Variants in OSBPL8 observed in about 807,000 individuals in gnomAD.
The protein encoded by OSBPL8 is oxysterol-binding protein-related protein 8.
OSBPL8 carries 59 observed loss-of-function variants against 125.5 expected under a neutral mutation model. That is an observed-to-expected ratio of 0.47 (90% CI 0.38 to 0.58). The LOEUF (loss-of-function observed/expected upper bound fraction) is 0.58. Ranked by LOEUF, OSBPL8 falls within the 20% of genes least tolerant of loss-of-function variation. The probability of loss-of-function intolerance (pLI) is 0.00; values close to 1 mark genes in which losing one functional copy is unlikely to be tolerated. For missense variants in OSBPL8, 758 were observed against 1,047.8 expected, an observed-to-expected ratio of 0.72 and a Z score of 3.82; for synonymous variants, 330 against 338.9, an observed-to-expected ratio of 0.97 and a Z score of 0.29.
At chr12:76,385,054 A>G (rs1424476627) in intron 14 of OSBPL8, among the ~76,000 whole-genome samples, 3 of 152,242 alleles carry the variant, frequency 2.0e-5, no homozygotes, top group Non-Finnish European at 4.4e-5. Context: ...ATGTTATTTA[A>G]TAATCTAATG....
At chr12:76,467,360 T>C (rs1565920748) in intron 2 of OSBPL8, among the ~76,000 whole-genome samples, 1 of 152,324 alleles carries the variant, frequency 6.6e-6, no homozygotes, top group South Asian at 2.1e-4. Context: ...AACTTCCTAG[T>C]TTCTTCTTCA....
At chr12:76,378,918 C>T (rs1346857351) in intron 15 of OSBPL8, among the ~76,000 whole-genome samples, 2 of 151,972 alleles carry the variant, frequency 1.3e-5, no homozygotes, top group African/African-American at 4.8e-5. Flanking sequence ...TACAGGCGTG[C>T]ACCACCATAC....
intron 1 of OSBPL8, among the ~76,000 whole-genome samples, chr12:76,549,680 C>T (rs1455102462): frequency 2.0e-5 from 3 of 152,072 alleles, no homozygotes; most frequent in African/African-American, 4.8e-5. Flanking sequence ...GGATTACAGG[C>T]GTTGATGTAT....
chr12:76,450,855 G>C lies in OSBPL8; in HGVS notation c.213C>G (p.Ser71Arg). ...ATGAAAACCACAACTTCCTACCCTG[G>C]CTATGAGGACTTGCTGGACTAAGAG... ...QPSLSPASPH[S>R]QGFERGKEDI... The change falls in exon 4 of 24, where the codon AGC becomes AGG. Residue 71 changes from serine to arginine, a missense_variant. By Grantham distance (110) the Ser-to-Arg change is moderately radical. Transcript: ENST00000261183. 1 of 1,608,324 alleles carries C rather than the reference G, an allele frequency of 6.2e-7. No individual in the cohort carries two copies. The highest frequency in any genetic ancestry group is 8.5e-7 in the Non-Finnish European group (1 of 1,177,248).
At chr12:76,462,954 C>CTTA (rs771316568) in intron 2 of OSBPL8, among the ~76,000 whole-genome samples, 2 of 152,128 alleles carry the variant, frequency 1.3e-5, no homozygotes, top group Non-Finnish European at 2.9e-5. Flanking sequence ...GAGGGGTAAA[C>CTTA]AGATGTCAGG....
chr12:76,479,119 T>C (rs1877163047), intron 2 of OSBPL8, among the ~76,000 whole-genome samples: 2 of 152,114 alleles, frequency 1.3e-5, no homozygotes, highest in Admixed American at 1.3e-4. Flanking sequence ...CTCCCTTTAA[T>C]AGAAGTTTCA....
intron 21 of OSBPL8, among the ~76,000 whole-genome samples, chr12:76,359,738 G>A (rs562260830): frequency 6.6e-6 from 1 of 152,186 alleles, no homozygotes; most frequent in Non-Finnish European, 1.5e-5. Flanking sequence ...AGATGCAAAA[G>A]TGGAAACCTC....
intron 2 of OSBPL8, among the ~76,000 whole-genome samples, chr12:76,466,344 A>T (rs1383280712): frequency 6.6e-6 from 1 of 152,216 alleles, no homozygotes; most frequent in Non-Finnish European, 1.5e-5. Context: ...TGACATAATT[A>T]TCTATGATTA....
At chr12:76,491,732 C>G (rs1878737156) in intron 1 of OSBPL8, among the ~76,000 whole-genome samples, 1 of 152,060 alleles carries the variant, frequency 6.6e-6, no homozygotes, top group African/African-American at 2.4e-5. Flanking sequence ...CTAATACTGC[C>G]AACTCAATTA....
chr12:76,449,762 A>G (rs1276105352), intron 4 of OSBPL8, among the ~76,000 whole-genome samples: 1 of 152,196 alleles, frequency 6.6e-6, no homozygotes, highest in Non-Finnish European at 1.5e-5. Flanking sequence ...CAGTGAGCAA[A>G]TATTTTCCAA....
intron 1 of OSBPL8, among the ~76,000 whole-genome samples, chr12:76,493,168 A>C (rs1878914348): frequency 6.6e-6 from 1 of 152,154 alleles, no homozygotes; most frequent in Non-Finnish European, 1.5e-5. Context: ...AGGGAATATT[A>C]TATGCTCTAC....
intron 1 of OSBPL8, among the ~76,000 whole-genome samples, chr12:76,524,963 C>T (rs538640085): frequency 2.6e-4 from 40 of 152,206 alleles, no homozygotes; most frequent in African/African-American, 7.7e-4. Context: ...GAATTACAGG[C>T]GTGAGCCACT....
intron 8 of OSBPL8, among the ~76,000 whole-genome samples, chr12:76,395,352 C>G (rs17042268): frequency 0.015 from 2,312 of 152,162 alleles, 18 homozygotes; most frequent in Middle Eastern, 0.027. Flanking sequence ...AGACACGAAT[C>G]TGGAAAGAAA....
At chr12:76,509,227 T>C (rs868643359) in intron 1 of OSBPL8, among the ~76,000 whole-genome samples, 5 of 152,174 alleles carry the variant, frequency 3.3e-5, no homozygotes, top group Middle Eastern at 3.2e-3. Context: ...CAATGGGCTA[T>C]AGCATATAGC....
intron 1 of OSBPL8, among the ~76,000 whole-genome samples, chr12:76,550,514 C>G (rs75313812): frequency 0.09 from 13,684 of 152,210 alleles, 1,044 homozygotes; most frequent in East Asian, 0.3. Context: ...TTTGGCTTCC[C>G]TGGACCACAC....
At chr12:76,457,366 AGATTT>A (rs1359137089) in intron 3 of OSBPL8, among the ~76,000 whole-genome samples, 5 of 152,350 alleles carry the variant, frequency 3.3e-5, no homozygotes, top group Middle Eastern at 3.4e-3. Context: ...CTTATGTAAT[AGATTT>A]GTGTATATTT....
chr12:76,418,861 T>G (rs973110084), intron 4 of OSBPL8, among the ~76,000 whole-genome samples: 5 of 150,394 alleles, frequency 3.3e-5, no homozygotes, highest in Non-Finnish European at 7.4e-5. Flanking sequence ...AAAGCAGATA[T>G]TCAGAATGAT....
intron 4 of OSBPL8, among the ~76,000 whole-genome samples, chr12:76,447,223 T>C (rs1872811444): frequency 1.3e-5 from 2 of 152,200 alleles, no homozygotes; most frequent in South Asian, 4.1e-4. Context: ...TTATCTTCAC[T>C]TTCAAGTCAT....
chr12:76,498,163 G>C (rs553769694), intron 1 of OSBPL8, among the ~76,000 whole-genome samples: 2 of 152,304 alleles, frequency 1.3e-5, no homozygotes, highest in South Asian at 2.1e-4. Flanking sequence ...CTAGCACTTT[G>C]GGAGGCCCAG....
Sources: gnomAD v4.1 joint callset for allele counts (sites outside exome capture counted in the v4.1 genomes callset) on GRCh38, gnomAD v4.1.1 for gene constraint, MANE v1.5 for transcripts, NCBI Gene and HGNC (gene_info 2026-07-23, HGNC 2026-07-21) for gene names.